The following MAPK8IP2 variants were observed in gnomAD, a reference collection of about 807,000 sequenced individuals.
MAPK8IP2 encodes the protein mitogen-activated protein kinase 8 interacting protein 2, also known as C-Jun-amino-terminal kinase-interacting protein 2.
MAPK8IP2 carries 15 observed loss-of-function variants against 75.6 expected under a neutral mutation model. The ratio of observed to expected loss-of-function variants is 0.20; its 90% confidence interval spans 0.13 to 0.31. The LOEUF is 0.31. Among genes scored for constraint, MAPK8IP2 ranks in the 10% least tolerant of loss-of-function variants. The pLI is 1.00. For synonymous variants in MAPK8IP2, 632 were observed against 554.5 expected (o/e 1.14, Z -1.96); for missense variants, 1,089 against 1,211.2 (o/e 0.90, Z 1.50).
chr22:50,605,834 G>C lies in MAPK8IP2; in HGVS notation c.2024G>C (p.Arg675Pro), dbSNP rs747349402. 1 of 1,588,240 alleles carries C rather than the reference G, an allele frequency of 6.3e-7. No individual in the cohort carries two copies. Among genetic ancestry groups the C allele is most frequent in the Non-Finnish European group, 8.6e-7 (1 of 1,168,528 alleles). The change falls in exon 8 of 12, where the codon CGG becomes CCG. Residue 675 changes from arginine (R) to proline (P), a missense_variant. Arg to Pro is a moderately radical substitution (Grantham distance 103). Transcript: ENST00000329492. ...GPAKDLLGSK[R>P]SPCWVERFDV... ...GTGCCCCGCTCCCCAGGGAGTAAGCGGAGCCCCTGCTGGGTGGAGCGCTTT... is the reference window on the plus strand; with the variant it reads ...GTGCCCCGCTCCCCAGGGAGTAAGCCGAGCCCCTGCTGGGTGGAGCGCTTT...
rs752977043 is a variant in MAPK8IP2 at position 50,604,211 on chromosome 22, C to T, written c.912C>T (p.Ala304=). 1 of 1,547,486 alleles carries T rather than the reference C, an allele frequency of 6.5e-7. No individual in the cohort carries two copies. The highest frequency in any genetic ancestry group is 1.2e-5 in the South Asian group (1 of 85,000). ...CCATCGAGGAGGCCTCGTCGCCCGC[C>T]TCGGAGCCGGAGCCCCCGCGCGAAC... is the stretch of plus-strand genomic sequence containing the variant. The part of the protein sequence containing the change: ...TNSIEEASSP[A]SEPEPPREPP... Residue 304 remains alanine (A), a synonymous_variant, in exon 5 of 12, where the codon GCC becomes GCT. Transcript: ENST00000329492.
rs2071006837 is a variant in MAPK8IP2 at position 50,604,499 on chromosome 22, C to T, written c.1200C>T (p.Ala400=). 20 of 1,233,356 alleles carry T rather than the reference C, an allele frequency of 1.6e-5. No individual in the cohort carries two copies. Among genetic ancestry groups the T allele is most frequent in the Non-Finnish European group, 2.0e-5 (20 of 990,632 alleles). The allele number at this position is 1,233,356 out of a possible 1,614,324, so 76.4% of individuals were successfully genotyped here. A position where few individuals can be genotyped will look rare whatever the true frequency, so the allele number is the denominator to read the frequency against. The part of the protein sequence containing the change: ...AAQDSQDPEA[A]AGPGGVELVD... ...AGGACTCCCAGGACCCCGAGGCGGC[C>T]GCGGGGCCCGGCGGCGTGGAGCTGG... The change falls in exon 5 of 12, where the codon GCC becomes GCT. Residue 400 remains alanine, a synonymous_variant. Coordinates refer to ENST00000329492, the MANE Select transcript of MAPK8IP2 (RefSeq NM_012324.6).
At position 50,604,797 on chromosome 22, in the gene MAPK8IP2, C is replaced by T. The variant is rs2071016120; in HGVS notation, c.1498C>T (p.Arg500Trp). 1.3e-6 allele frequency: 2 copies of T among 1,548,638 alleles called. No individual in the cohort carries two copies. Among genetic ancestry groups the T allele is most frequent in the Non-Finnish European group, 1.7e-6 (2 of 1,147,886 alleles). ...CAGGGGCACGGGCCCCTCGGCGCCGCGGGACGCGTCGCTGGTGTACGACGC... is the reference window on the plus strand; with the variant it reads ...CAGGGGCACGGGCCCCTCGGCGCCGTGGGACGCGTCGCTGGTGTACGACGC... Reference protein sequence around the residue: ...GGRGTGPSAPRDASLVYDAVK... With the variant: ...GGRGTGPSAPWDASLVYDAVK... The change falls in exon 5 of 12, where the codon CGG becomes TGG. Residue 500 changes from arginine (R) to tryptophan (W), a missense_variant. Coordinates refer to ENST00000329492, the MANE Select transcript of MAPK8IP2 (RefSeq NM_012324.6).
At position 50,611,053 on chromosome 22, in the gene MAPK8IP2, C is replaced by G. The variant is rs1242233109; in HGVS notation, c.*274C>G. The G allele has an allele frequency of 2.2e-6, 1 of 448,680 alleles. No individual in the cohort carries two copies. Among genetic ancestry groups the G allele is most frequent in the Non-Finnish European group, 4.0e-6 (1 of 249,974 alleles). The allele number at this position is 448,680 out of a possible 1,614,324, so 27.8% of individuals were successfully genotyped here. A position where few individuals can be genotyped will look rare whatever the true frequency, so the allele number is the denominator to read the frequency against. The stretch of plus-strand genomic sequence containing the variant: ...CTTCCCTTCCCAGTCTCCCTTTTCT[C>G]TCTCCTGGTGTCTCTGCCCCTCTCT... On this transcript the variant is annotated 3_prime_UTR_variant, in exon 12 of 12. Transcript: ENST00000329492. This position sits in a 1 kb window ranked among gnomAD's most constrained non-coding sequence, Gnocchi z 5.5.
chr22:50,603,753 G>A (rs750849253), intron 4 of MAPK8IP2, 34 bp downstream of exon 4: 4 of 1,546,404 alleles, frequency 2.6e-6, no homozygotes, highest in Non-Finnish European at 2.6e-6. Context: ...GCGCGGGGAA[G>A]CGGGGGAGGA....
At position 50,604,616 on chromosome 22, in the gene MAPK8IP2, C is replaced by T; in HGVS notation, c.1317C>T (p.Ser439=). ...PAQPGPCLFL[S]NPTRDTITPL... ...AGCCCGGGCCCTGCCTATTCCTCAG[C>T]AACCCCACGCGTGACACCATCACGC... The change falls in exon 5 of 12, where the codon AGC becomes AGT. Residue 439 remains serine, a synonymous_variant. Coordinates refer to ENST00000329492, the MANE Select transcript of MAPK8IP2 (RefSeq NM_012324.6). 1 of 1,506,172 alleles carries T rather than the reference C, an allele frequency of 6.6e-7. No individual in the cohort carries two copies. The allele number at this position is 1,506,172 out of a possible 1,614,324, so 93.3% of individuals were successfully genotyped here. A position where few individuals can be genotyped will look rare whatever the true frequency, so the allele number is the denominator to read the frequency against.
rs1031307363 is a variant in MAPK8IP2, at chr22:50,610,978, C to T, written c.*199C>T. On this transcript the variant is annotated 3_prime_UTR_variant, in exon 12 of 12. Coordinates refer to ENST00000329492, the MANE Select transcript of MAPK8IP2 (RefSeq NM_012324.6). The surrounding 1 kb of genome is among the most constrained non-coding windows in gnomAD (Gnocchi z 4.3). ...TGGGGCTGCGGGGGAGTGGAGCCCC[C>T]GTGCCCCTGCTTTTCCTCAGATCCG... The T allele has an allele frequency of 2.4e-5, 13 of 548,980 alleles. No homozygotes were observed. The highest frequency in any genetic ancestry group is 1.5e-4 in the African/African-American group (8 of 51,836). 34.0% of individuals were successfully genotyped at this position (548,980 alleles called of 1,614,324 possible).
rs2071055034 is a variant in MAPK8IP2, at chr22:50,606,640, C to A, written c.2125-18C>A. The A allele has an allele frequency of 4.5e-6, 7 of 1,565,754 alleles. No individual in the cohort carries two copies. Among genetic ancestry groups the A allele is most frequent in the Non-Finnish European group, 5.2e-6 (6 of 1,150,952 alleles). ...GTGGGCTCCTCAAGACCCTCTTCTC[C>A]CCCAACTTCTTCTGTAGATTGCCAC... On this transcript the variant is annotated intron_variant, in intron 8 of 11. Transcript: ENST00000329492.
intron 6 of MAPK8IP2, 29 bp downstream of exon 6, chr22:50,605,472 C>T (rs1169427980): frequency 2.5e-6 from 4 of 1,612,338 alleles, no homozygotes; most frequent in South Asian, 1.1e-5. Context: ...CTGGCGGTGG[C>T]CCCAGCCTCA....
In MAPK8IP2 at chr22:50,610,057, A is replaced by T. The variant is rs2071121981; in HGVS notation, c.2304-155A>T. 1 of 725,350 alleles carries T rather than the reference A, an allele frequency of 1.4e-6. No homozygotes were observed. The highest frequency in any genetic ancestry group is 2.5e-6 in the Non-Finnish European group (1 of 401,794). The allele number at this position is 725,350 out of a possible 1,614,324, so 44.9% of individuals were successfully genotyped here. ...GTGCTTGGGCTGAAACCAAAAAAAG[A>T]CAACTTCAGATCTTGAAATTGTGCG... On this transcript the variant is annotated intron_variant, in intron 10 of 11. Coordinates refer to ENST00000329492, the MANE Select transcript of MAPK8IP2 (RefSeq NM_012324.6). This position sits in a 1 kb window ranked among gnomAD's most constrained non-coding sequence, Gnocchi z 4.3.
Position 50,603,724 on chromosome 22 carries a change from G to A in MAPK8IP2, c.541+5G>A. The A allele has an allele frequency of 6.4e-7, 1 of 1,562,622 alleles. No individual in the cohort carries two copies. The highest frequency in any genetic ancestry group is 1.4e-5 in the African/African-American group (1 of 73,724). ...CCGCCCCGGAGGCCCTCAGAGGTGA[G>A]GGGTGGTGGGCCCGCGGGGCGCGGG... is the stretch of plus-strand genomic sequence containing the variant. On this transcript the variant is annotated splice_donor_5th_base_variant and intron_variant, in intron 4 of 11. Coordinates refer to ENST00000329492, the MANE Select transcript of MAPK8IP2 (RefSeq NM_012324.6).
At position 50,604,000 on chromosome 22, in the gene MAPK8IP2, G is replaced by T; in HGVS notation, c.701G>T (p.Ser234Ile). The change falls in exon 5 of 12, where the codon AGC (serine) becomes ATC (isoleucine). Residue 234 changes from serine to isoleucine, a missense_variant. Ser to Ile is a moderately radical substitution (Grantham distance 142, BLOSUM62 -2). Around this residue, in one of 2 missense-constraint regions of MAPK8IP2, gnomAD observed 960 missense variants for 1,009.6 expected, o/e 0.95. Coordinates refer to ENST00000329492, the MANE Select transcript of MAPK8IP2 (RefSeq NM_012324.6). ...SDPGIEADLR[S>I]RSSGGRGGRR... ...CCCGGCATCGAGGCTGACCTGAGAA[G>T]CCGCTCGAGCGGCGGCCGCGGGGGA... The T allele has an allele frequency of 6.4e-7, 1 of 1,559,024 alleles. No individual in the cohort carries two copies.
At chr22:50,601,671 G>A (rs2070940646) in intron 1 of MAPK8IP2, 118 bp from the exon 2 acceptor site, 1 of 691,740 alleles carries the variant, frequency 1.4e-6, no homozygotes, top group Non-Finnish European at 2.6e-6. Flanking sequence ...TCCGAGAGCT[G>A]GGGGCTGTGG....
chr22:50,606,632 C>G (rs775349811), intron 8 of MAPK8IP2, 26 bp from the exon 9 acceptor site: 19 of 1,534,758 alleles, frequency 1.2e-5, no homozygotes, highest in Non-Finnish European at 1.6e-5. Context: ...CCTCAAGACC[C>G]TCTTCTCCCC....
chr22:50,603,786 G>A, intron 4 of MAPK8IP2, 55 bp from the exon 5 acceptor site: 1 of 1,537,762 alleles, frequency 6.5e-7, no homozygotes, highest in Non-Finnish European at 8.8e-7. Context: ...TGGACTGGCT[G>A]CTGGAAGAGG....
At chr22:50,608,994 G>A (rs1324618638) in intron 10 of MAPK8IP2, among the ~76,000 whole-genome samples, 1 of 152,182 alleles carries the variant, frequency 6.6e-6, no homozygotes, top group African/African-American at 2.4e-5. Context: ...GTGGTCAGTC[G>A]AGTTTGGGGT....
intron 8 of MAPK8IP2, among the ~76,000 whole-genome samples, chr22:50,606,266 C>T (rs1370485702): frequency 6.8e-6 from 1 of 146,738 alleles, no homozygotes. Flanking sequence ...CCCTGGGAGC[C>T]CTCTACTCAT....
Position 50,610,628 on chromosome 22 carries a change from A to C in MAPK8IP2, c.2403-79A>C. 8.8e-7 allele frequency: 1 copy of C among 1,140,352 alleles called. No homozygotes were observed. The highest frequency in any genetic ancestry group is 1.3e-6 in the Non-Finnish European group (1 of 780,824). 70.6% of individuals were successfully genotyped at this position (1,140,352 alleles called of 1,614,324 possible). A position where few individuals can be genotyped will look rare whatever the true frequency, so the allele number is the denominator to read the frequency against. ...GGCTGCAGAGGGAGGAAGGAGGGAG[A>C]GCTCAGAGGCTCTGTGGAAGGCAGT... On this transcript the variant is annotated intron_variant, in intron 11 of 11. Coordinates refer to ENST00000329492, the MANE Select transcript of MAPK8IP2 (RefSeq NM_012324.6). This position sits in a 1 kb window ranked among gnomAD's most constrained non-coding sequence, Gnocchi z 4.3.
rs1433613344 is a variant in MAPK8IP2, at chr22:50,605,393, C to T, written c.1791C>T (p.Ser597=). ...SSSTESFGLF[S]CLVNGEEREQ... ...GCACCGAGTCCTTTGGCCTTTTCTC[C>T]TGTCTGGTCAACGGCGAGGAGCGAG... The change falls in exon 6 of 12, where the codon TCC becomes TCT. Residue 597 remains serine (S), a synonymous_variant. Transcript: ENST00000329492. 2 of 1,613,710 alleles carry T rather than the reference C, an allele frequency of 1.2e-6. No homozygotes were observed. Among genetic ancestry groups the T allele is most frequent in the Non-Finnish European group, 8.5e-7 (1 of 1,179,858 alleles).
Sources: allele counts gnomAD v4.1 joint callset (sites outside exome capture counted in the v4.1 genomes callset), GRCh38; gene constraint gnomAD v4.1.1; regional missense constraint gnomAD v4.1.1; non-coding constraint Gnocchi (gnomAD v3.1); transcripts MANE v1.5; gene names NCBI Gene and HGNC (gene_info 2026-07-23, HGNC 2026-07-21).